The following MECOM variants were observed in gnomAD, a reference collection of about 807,000 sequenced individuals.
MECOM encodes the protein MDS1 and EVI1 complex locus, also known as histone-lysine N-methyltransferase MECOM.
A neutral mutation model predicts 116.3 loss-of-function variants in MECOM; 13 were observed. That is an observed-to-expected ratio of 0.11 (90% CI 0.07 to 0.18). MECOM has a LOEUF of 0.18. Among genes scored for constraint, MECOM ranks in the 10% least tolerant of loss-of-function variants. The pLI, the probability that MECOM is intolerant of heterozygous loss-of-function variation, is 1.00. For synonymous variants in MECOM, 528 were observed against 535.2 expected (o/e 0.99, Z 0.19); for missense variants, 1,299 against 1,509.0 (o/e 0.86, Z 2.31).
chr3:169,328,482 G>A (rs1369754945), intron 2 of MECOM, among the ~76,000 whole-genome samples: 1 of 152,082 alleles, frequency 6.6e-6, no homozygotes, highest in African/African-American at 2.4e-5. Flanking sequence ...TCATATAACT[G>A]AACTAAATTA....
intron 2 of MECOM, among the ~76,000 whole-genome samples, chr3:169,228,213 T>C (rs1212426828): frequency 1.3e-5 from 2 of 152,212 alleles, no homozygotes; most frequent in Non-Finnish European, 2.9e-5. Context: ...AAACAGATGA[T>C]TTTCTTAAAA....
chr3:169,297,570 G>A (rs1207076824), intron 2 of MECOM, among the ~76,000 whole-genome samples: 5 of 151,860 alleles, frequency 3.3e-5, no homozygotes, highest in African/African-American at 1.2e-4. Flanking sequence ...AGGCAGGTCA[G>A]GAACCTACCA....
At chr3:169,235,772 A>C (rs1227707585) in intron 2 of MECOM, among the ~76,000 whole-genome samples, 2 of 152,082 alleles carry the variant, frequency 1.3e-5, no homozygotes, top group Non-Finnish European at 2.9e-5. Flanking sequence ...TATTTATGTA[A>C]AACAAGGATC....
intron 1 of MECOM, among the ~76,000 whole-genome samples, chr3:169,500,411 C>A (rs997321361): frequency 3.3e-5 from 5 of 151,762 alleles, no homozygotes; most frequent in African/African-American, 7.3e-5. Context: ...ATAGATGAAA[C>A]CTGTGTATGT....
chr3:169,276,997 TACACACACACACACAC>T (rs71300479), intron 2 of MECOM, among the ~76,000 whole-genome samples: 5 of 144,418 alleles, frequency 3.5e-5, no homozygotes, highest in African/African-American at 1.2e-4. Context: ...TAATTTATGT[TACACACACACACACAC>T]ACACACACAC....
intron 1 of MECOM, among the ~76,000 whole-genome samples, chr3:169,523,834 T>C (rs1757638877): frequency 6.6e-6 from 1 of 151,308 alleles, no homozygotes; most frequent in Non-Finnish European, 1.5e-5. Context: ...CATATATATA[T>C]GCATATACAG....
In MECOM at chr3:169,439,323, G is replaced by GAATATTAATATTATTAATATTATTT; in HGVS notation, c.38-57824_38-57800dup. On this transcript the variant is annotated intron_variant, in intron 1 of 16. Transcript: ENST00000651503. The stretch of plus-strand genomic sequence containing the variant: ...ATAATTAACTAAGGATTAGTATCCA[G>GAATATTAATATTATTAATATTATTT]AATATTAATATTATTAATATTATTT... 2.0e-5 allele frequency among the ~76,000 whole-genome samples: 3 copies of GAATATTAATATTATTAATATTATTT among 146,982 alleles called. No homozygotes were observed. In the South Asian group the frequency reaches 6.3e-4, roughly 31 times the overall value.
At position 169,439,971 on chromosome 3, in the gene MECOM, A is replaced by T. The variant is rs139314373; in HGVS notation, c.38-58447T>A. 7.2e-4 allele frequency among the ~76,000 whole-genome samples: 110 copies of T among 152,274 alleles called. 2 individuals carry two copies. The East Asian group carries it at 0.019, about 26-fold the overall frequency. ...AAAAACAAGCAAAGCCAAACAATAT[A>T]TTGTTTGGTAATACATACATAAGCA... is the stretch of plus-strand genomic sequence containing the variant. On this transcript the variant is annotated intron_variant, in intron 1 of 16. Transcript: ENST00000651503.
chr3:169,149,758 A>G (rs1404443037), intron 2 of MECOM: 1 of 446,718 alleles, frequency 2.2e-6, no homozygotes, highest in Non-Finnish European at 4.5e-6. Context: ...AGATGTACCT[A>G]GAAGAATGGA....
At chr3:169,304,633 T>A (rs768850871) in intron 2 of MECOM, among the ~76,000 whole-genome samples, 1 of 152,190 alleles carries the variant, frequency 6.6e-6, no homozygotes, top group Non-Finnish European at 1.5e-5. Flanking sequence ...CAACATTAAA[T>A]AGAATATTTC....
intron 1 of MECOM, among the ~76,000 whole-genome samples, chr3:169,624,881 T>G (rs2109923194): frequency 6.6e-6 from 1 of 152,258 alleles, no homozygotes; most frequent in Non-Finnish European, 1.5e-5. Flanking sequence ...CTAATGCGTG[T>G]GTATTTTTAC....
Position 169,372,296 on chromosome 3 carries a change from T to C in MECOM, c.375+8891A>G, listed in dbSNP as rs576792704. Among the ~76,000 whole-genome samples, 8 of 152,220 alleles carry C rather than the reference T, an allele frequency of 5.3e-5. No homozygotes were observed. The East Asian group carries it at 1.5e-3, about 29-fold the overall frequency. On this transcript the variant is annotated intron_variant, in intron 2 of 16. Coordinates refer to ENST00000651503, the MANE Select transcript of MECOM (RefSeq NM_004991.4). ...ATGACAGGTGCATCAACAACTGACT[T>C]ATACTTGCAGAGTTTTGTAATGGCC...
At chr3:169,416,490 T>A (rs113447730) in intron 1 of MECOM, among the ~76,000 whole-genome samples, 1,987 of 151,112 alleles carry the variant, frequency 0.013, 21 homozygotes, top group Middle Eastern at 0.041. Flanking sequence ...GCAAACAAAT[T>A]CAACAGCTAG....
At position 169,379,051 on chromosome 3, in the gene MECOM, A is replaced by G. The variant is rs141654861; in HGVS notation, c.375+2136T>C. On this transcript the variant is annotated intron_variant, in intron 2 of 16. Coordinates refer to ENST00000651503, the MANE Select transcript of MECOM (RefSeq NM_004991.4). The stretch of plus-strand genomic sequence containing the variant: ...ACCAGCTAGAGTTGAGAAAAAGATG[A>G]CATGGGGACAAATAAAAGTCATCCG... Among the ~76,000 whole-genome samples, 127 of 152,060 alleles carry G rather than the reference A, an allele frequency of 8.4e-4. 1 individual carries two copies. Among genetic ancestry groups the G allele is most frequent in the African/African-American group, 2.9e-3 (122 of 41,504 alleles).
At chr3:169,413,927 A>G (rs952137406) in intron 1 of MECOM, among the ~76,000 whole-genome samples, 3 of 152,198 alleles carry the variant, frequency 2.0e-5, no homozygotes, top group African/African-American at 7.2e-5. Context: ...CCTGGAACAG[A>G]GAACCTGGGG....
intron 2 of MECOM, among the ~76,000 whole-genome samples, chr3:169,181,053 A>G (rs2149395646): frequency 6.6e-6 from 1 of 152,116 alleles, no homozygotes; most frequent in South Asian, 2.1e-4. Context: ...CTATAAAATT[A>G]CTCATGTAAT....
At chr3:169,640,495 T>C (rs988611550) in intron 1 of MECOM, among the ~76,000 whole-genome samples, 1 of 152,236 alleles carries the variant, frequency 6.6e-6, no homozygotes, top group African/African-American at 2.4e-5. Flanking sequence ...AACCTACTTG[T>C]AGGAGTCTGT....
At chr3:169,245,469 T>A (rs1294485266) in intron 2 of MECOM, among the ~76,000 whole-genome samples, 1 of 152,248 alleles carries the variant, frequency 6.6e-6, no homozygotes, top group African/African-American at 2.4e-5. Flanking sequence ...TTCAATTGTT[T>A]ACTAGTGTGC....
chr3:169,367,007 C>T (rs1042358020), intron 2 of MECOM, among the ~76,000 whole-genome samples: 5 of 152,082 alleles, frequency 3.3e-5, no homozygotes, highest in African/African-American at 4.8e-5. Flanking sequence ...ATCTGCTGCG[C>T]ACTGTGCCCC....
Sources: allele counts gnomAD v4.1 joint callset (sites outside exome capture counted in the v4.1 genomes callset), GRCh38; gene constraint gnomAD v4.1.1; transcripts MANE v1.5; gene names NCBI Gene and HGNC (gene_info 2026-07-23, HGNC 2026-07-21).